Variants in GART observed in about 807,000 individuals in gnomAD.
The protein encoded by GART is trifunctional purine biosynthetic protein adenosine-3.
In GART, 43 loss-of-function variants were observed where a neutral mutation model predicts 107.2. That is an observed-to-expected ratio of 0.40 (90% CI 0.31 to 0.52). GART has a LOEUF of 0.52. GART is among the 20% of genes least tolerant of loss of function. The probability of loss-of-function intolerance (pLI) is 0.52; values close to 1 mark genes in which losing one functional copy is unlikely to be tolerated. For synonymous variants in GART, 434 were observed against 427.0 expected (o/e 1.02, Z -0.20); for missense variants, 1,107 against 1,206.5 (o/e 0.92, Z 1.22).
chr21:33,528,684 CTACA>C (rs2085123007), intron 8 of GART, 80 bp from the exon 9 acceptor site: 1 of 1,021,828 alleles, frequency 9.8e-7, no homozygotes, highest in African/African-American at 1.8e-5. Flanking sequence ...ATAAAATCTA[CTACA>C]TAAACTTCTA....
chr21:33,508,671 C>T (rs2084728781), intron 18 of GART, among the ~76,000 whole-genome samples: 1 of 151,992 alleles, frequency 6.6e-6, no homozygotes, highest in African/African-American at 2.4e-5. Context: ...CGTGTGCCAC[C>T]ATGCCCAGCT....
chr21:33,528,104 G>C (rs933669922), intron 10 of GART, 63 bp downstream of exon 10: 67 of 1,470,446 alleles, frequency 4.6e-5, no homozygotes, highest in Middle Eastern at 2.1e-4. Context: ...TGTGAGAGGG[G>C]GGTCTGCTGT....
chr21:33,526,394 G>A lies in GART; in HGVS notation c.1067-1394C>T, dbSNP rs147923580. On this transcript the variant is annotated intron_variant, in intron 10 of 21. Coordinates refer to ENST00000381815, the MANE Select transcript of GART (RefSeq NM_000819.5). ...TCACCATGTTGGCCAGGCTGGTCTC[G>A]AACTCCTGACCTCAAGTGATCTGCC... is the stretch of plus-strand genomic sequence containing the variant. Among the ~76,000 whole-genome samples, 331 of 152,084 alleles carry A rather than the reference G, an allele frequency of 2.2e-3. 1 individual carries two copies. Among genetic ancestry groups the A allele is most frequent in the African/African-American group, 7.0e-3 (292 of 41,478 alleles).
At chr21:33,528,756 T>TAAAAAA in intron 8 of GART, 94 bp downstream of exon 8, 1 of 801,784 alleles carries the variant, frequency 1.2e-6, no homozygotes, top group Non-Finnish European at 1.8e-6. Flanking sequence ...TAAAAAGTGG[T>TAAAAAA]AAAAAAAAAA....
In GART at chr21:33,517,397, G is replaced by A. The variant is rs1475725032; in HGVS notation, c.1914C>T (p.Tyr638=). 4 of 1,614,130 alleles carry A rather than the reference G, an allele frequency of 2.5e-6. No individual in the cohort carries two copies. Among genetic ancestry groups the A allele is most frequent in the African/African-American group, 1.3e-5 (1 of 75,018 alleles). ...RKIVAKSSLQ[Y]SSPAPDGCGD... ...CACAACCATCAGGTGCTGGAGAGGA[G>A]TACTGGAGGGAAGATTTTGCCACGA... Residue 638 remains tyrosine, a synonymous_variant, in exon 15 of 22, where the codon TAC becomes TAT. Transcript: ENST00000381815.
chr21:33,533,969 C>A (rs919964297), intron 4 of GART, among the ~76,000 whole-genome samples: 3 of 152,032 alleles, frequency 2.0e-5, no homozygotes, highest in Admixed American at 6.5e-5. Context: ...GAAGAGCGCA[C>A]AACTGCAGAA....
chr21:33,542,805 C>T (rs2085478810), upstream of GART: 1 of 513,854 alleles, frequency 1.9e-6, no homozygotes, highest in Non-Finnish European at 3.5e-6. Context: ...ACACGGTCGC[C>T]TCAAGAGAGA....
At chr21:33,517,719 A>G (rs546649833) in intron 14 of GART, 111 bp from the exon 15 acceptor site, 4 of 1,098,026 alleles carry the variant, frequency 3.6e-6, no homozygotes, top group South Asian at 3.0e-5. Flanking sequence ...TATGTCCTGC[A>G]AATATTTAAG....
intron 16 of GART, among the ~76,000 whole-genome samples, chr21:33,515,460 TG>T (rs1411889222): frequency 6.6e-6 from 1 of 151,488 alleles, no homozygotes; most frequent in Non-Finnish European, 1.5e-5. Context: ...GCCAACACGG[TG>T]AAACCCCGTG....
At chr21:33,524,020 G>C (rs1311702376) in intron 11 of GART, 11 of 593,180 alleles carry the variant, frequency 1.9e-5, no homozygotes, top group Non-Finnish European at 2.3e-5. Flanking sequence ...TTCCAACTAA[G>C]ACTTTATTGA....
rs1217620678 is a variant in GART at position 33,505,709 on chromosome 21, T to C, written c.2584-7A>G. ...ACAGTTTATGATTAATTACCTGTAA[T>C]AGAAAAAGATAAGCACAACCCTTTT... On this transcript the variant is annotated splice_region_variant and splice_polypyrimidine_tract_variant and intron_variant, in intron 19 of 21. Transcript: ENST00000381815. 6 of 1,582,394 alleles carry C rather than the reference T, an allele frequency of 3.8e-6. No homozygotes were observed. The highest frequency in any genetic ancestry group is 1.9e-5 in the Admixed American group (1 of 51,336).
Position 33,520,969 on chromosome 21 carries a change from T to C in GART, c.1440A>G (p.Lys480=), listed in dbSNP as rs761126681. 6.2e-7 allele frequency: 1 copy of C among 1,614,128 alleles called. No individual in the cohort carries two copies. Among genetic ancestry groups the C allele is most frequent in the Non-Finnish European group, 8.5e-7 (1 of 1,179,994 alleles). The change falls in exon 13 of 22, where the codon AAA becomes AAG. Residue 480 remains lysine (K), a synonymous_variant. Transcript: ENST00000381815. ...LGGFAGLFDL[K]AAGFKDPLLA... is the part of the protein sequence containing the mutation. ...GAAGGGGATCTTTGAAACCAGCTGC[T>C]TTTAAATCAAAAAGACCAGCAAAAC...
chr21:33,542,770 T>C, upstream of GART: 1 of 389,500 alleles, frequency 2.6e-6, no homozygotes, highest in South Asian at 3.1e-5. Flanking sequence ...TCCCAAACAC[T>C]GCTGGGGACT....
rs2085445132 is a variant in GART, at chr21:33,542,052, G to A, written c.-42+13C>T. The A allele has an allele frequency of 6.6e-6, 1 of 152,202 alleles. No homozygotes were observed. Among genetic ancestry groups the A allele is most frequent in the South Asian group, 2.1e-4 (1 of 4,828 alleles). 9.4% of individuals were successfully genotyped at this position (152,202 alleles called of 1,614,324 possible). A position where few individuals can be genotyped will look rare whatever the true frequency, so the allele number is the denominator to read the frequency against. The stretch of plus-strand genomic sequence containing the variant: ...AAGCGCGCTCCGTGTAAAAGCGGAG[G>A]GGGTTTACGCACCGACACCGGGTGG... On this transcript the variant is annotated intron_variant, in intron 1 of 21. Transcript: ENST00000381815.
rs146921265 is a variant in GART, at chr21:33,516,505, T to C, written c.2107+484A>G. The stretch of plus-strand genomic sequence containing the variant: ...ACACTGAAGATTTAAAAACCTTCTA[T>C]TCCAAACTTACTCTTCTTCCTATGT... On this transcript the variant is annotated intron_variant, in intron 16 of 21. Transcript: ENST00000381815. Among the ~76,000 whole-genome samples the C allele has an allele frequency of 3.1e-3, 473 of 152,326 alleles. 1 individual carries two copies. Among genetic ancestry groups the C allele is most frequent in the Middle Eastern group, 0.01 (3 of 294 alleles).
rs1485092123 is a variant in GART at position 33,535,227 on chromosome 21, G to C, written c.239C>G (p.Ala80Gly). The C allele has an allele frequency of 6.4e-7, 1 of 1,559,844 alleles. No homozygotes were observed. The change falls in exon 3 of 22, where the codon GCT (alanine) becomes GGT (glycine). Residue 80 changes from alanine (A) to glycine (G), a missense_variant and splice_region_variant. Physicochemically the swap from Ala to Gly is moderately conservative, Grantham distance 60 (BLOSUM62 0). Coordinates refer to ENST00000381815, the MANE Select transcript of GART (RefSeq NM_000819.5). ...VVVGPEAPLA[A>G]GIVGNLRSAG... Reference sequence around the variant, plus strand: ...CAATAAACAGAAACAAACTTTACCAGCAGCCAGAGGTGCTTCTGGTCCAAC... The same window carrying C: ...CAATAAACAGAAACAAACTTTACCACCAGCCAGAGGTGCTTCTGGTCCAAC...
At chr21:33,533,224 G>A (rs1308523922) in intron 4 of GART, among the ~76,000 whole-genome samples, 2 of 151,844 alleles carry the variant, frequency 1.3e-5, no homozygotes, top group Admixed American at 6.6e-5. Flanking sequence ...CGGATCACGA[G>A]GTCAGGAGAT....
chr21:33,529,059 G>C (rs1379666922), intron 7 of GART, 122 bp from the exon 8 acceptor site: 3 of 561,514 alleles, frequency 5.3e-6, no homozygotes, highest in Non-Finnish European at 9.4e-6. Context: ...GAAACATGCT[G>C]AACACTTTGA....
intron 10 of GART, among the ~76,000 whole-genome samples, chr21:33,527,469 C>T (rs1022082571): frequency 4.6e-5 from 7 of 152,004 alleles, no homozygotes; most frequent in East Asian, 1.9e-4. Flanking sequence ...GAGCCGAGAT[C>T]GTGCCACTGC....
Sources: allele counts gnomAD v4.1 joint callset (sites outside exome capture counted in the v4.1 genomes callset), GRCh38; gene constraint gnomAD v4.1.1; transcripts MANE v1.5; gene names NCBI Gene and HGNC (gene_info 2026-07-23, HGNC 2026-07-21).